CTNNA2: variants seen among roughly 807,000 people sequenced by gnomAD.
CTNNA2 encodes catenin alpha-2.
Under a neutral mutation model 101.0 loss-of-function variants are expected in CTNNA2, and 42 were observed. That is an observed-to-expected ratio of 0.42 (90% CI 0.32 to 0.54). CTNNA2 has a LOEUF of 0.54. Ranked by LOEUF, CTNNA2 falls within the 20% of genes least tolerant of loss-of-function variation. CTNNA2 has a pLI of 0.14. For missense variants in CTNNA2, 871 were observed against 1,223.1 expected (o/e 0.71, Z 4.29); for synonymous variants, 450 against 456.4 (o/e 0.99, Z 0.18).
At chr2:79,627,948 T>C (rs2104335464) in intron 1 of CTNNA2, among the ~76,000 whole-genome samples, 1 of 152,296 alleles carries the variant, frequency 6.6e-6, no homozygotes, top group South Asian at 2.1e-4. Flanking sequence ...CTCATAAGTG[T>C]TGTAATGTGG....
chr2:79,428,193 C>T (rs1016757096), intron 4 of CTNNA2, among the ~76,000 whole-genome samples: 1 of 151,788 alleles, frequency 6.6e-6, no homozygotes, highest in Non-Finnish European at 1.5e-5. Context: ...CAGTTTAGCT[C>T]CCTTTGTGTT....
At chr2:79,564,732 G>A (rs1166562043) in intron 1 of CTNNA2, among the ~76,000 whole-genome samples, 2 of 152,076 alleles carry the variant, frequency 1.3e-5, no homozygotes, top group Non-Finnish European at 2.9e-5. Flanking sequence ...ATTATGTGTG[G>A]CAAAGAGTAG....
At chr2:79,819,723 T>G (rs1471485039) in intron 3 of CTNNA2, among the ~76,000 whole-genome samples, 1 of 152,168 alleles carries the variant, frequency 6.6e-6, no homozygotes, top group Non-Finnish European at 1.5e-5. Context: ...TCTAGTGTTT[T>G]GTAGCACAAT....
rs1511188 is a variant in CTNNA2, at chr2:79,710,056, C to T, written c.103-34331C>T. Reference sequence around the variant, plus strand: ...AGCTTGGTGAGGAAAAATCCCGATACTTGTCCCTCTTGAATTCTGAAACCC... The same window carrying T: ...AGCTTGGTGAGGAAAAATCCCGATATTTGTCCCTCTTGAATTCTGAAACCC... On this transcript the variant is annotated intron_variant, in intron 2 of 18. Coordinates refer to ENST00000402739, the MANE Select transcript of CTNNA2 (RefSeq NM_001282597.3). Among the ~76,000 whole-genome samples, 1,075 of 152,230 alleles carry T rather than the reference C, an allele frequency of 7.1e-3. 11 individuals are homozygous for T. The highest frequency in any genetic ancestry group is 0.024 in the African/African-American group (1,007 of 41,544).
chr2:79,280,790 A>C (rs1250865380), intron 2 of CTNNA2, among the ~76,000 whole-genome samples: 1 of 151,794 alleles, frequency 6.6e-6, no homozygotes, highest in Admixed American at 6.6e-5. Flanking sequence ...GTTGGCTAGA[A>C]CATGCTGTGA....
intron 12 of CTNNA2, among the ~76,000 whole-genome samples, chr2:80,569,120 A>C (rs145451337): frequency 0.011 from 1,689 of 152,208 alleles, 16 homozygotes; most frequent in Non-Finnish European, 0.015. Flanking sequence ...ACAACTTCTC[A>C]TTCATTTAAC....
intron 2 of CTNNA2, among the ~76,000 whole-genome samples, chr2:79,269,565 C>G (rs760057277): frequency 6.6e-6 from 1 of 152,132 alleles, no homozygotes. Context: ...GGTTATTATT[C>G]AAGCAGTCAT....
At chr2:80,591,457 G>GTTTTTTTCTTTTTTTTTTTTTTTTTTTT (rs1696487430) in intron 15 of CTNNA2, among the ~76,000 whole-genome samples, 1 of 70,314 alleles carries the variant, frequency 1.4e-5, no homozygotes, top group Non-Finnish European at 3.0e-5. Context: ...TGCACAGCCT[G>GTTTTTTTCTTTTTTTTTTTTTTTTTTTT]TTTTTTTTTT....
At chr2:80,260,268 T>C (rs1044211230) in intron 7 of CTNNA2, among the ~76,000 whole-genome samples, 8 of 152,168 alleles carry the variant, frequency 5.3e-5, no homozygotes, top group Non-Finnish European at 1.2e-4. Flanking sequence ...CCTGGAAGAT[T>C]GATGTTCTTC....
chr2:79,850,291 C>T (rs1680580648), intron 3 of CTNNA2, among the ~76,000 whole-genome samples: 1 of 114,240 alleles, frequency 8.8e-6, no homozygotes, highest in African/African-American at 3.8e-5. Flanking sequence ...CTCCTTCCTC[C>T]CTCCCTCCCC....
At position 79,721,971 on chromosome 2, in the gene CTNNA2, TAAG is replaced by T. The variant is rs572387338; in HGVS notation, c.103-22413_103-22411del. ...TTGAATTTAAATAAGAACAAAGAAA[TAAG>T]AAAAAAAATGAAGCGTGTTTATAAT... On this transcript the variant is annotated intron_variant, in intron 2 of 18. Coordinates refer to ENST00000402739, the MANE Select transcript of CTNNA2 (RefSeq NM_001282597.3). Among the ~76,000 whole-genome samples, 36 of 152,084 alleles carry T rather than the reference TAAG, an allele frequency of 2.4e-4. No individual in the cohort carries two copies. In the South Asian group the frequency reaches 7.0e-3, roughly 30 times the overall value.
intron 6 of CTNNA2, among the ~76,000 whole-genome samples, chr2:79,906,412 T>C (rs1296049343): frequency 6.6e-6 from 1 of 152,164 alleles, no homozygotes; most frequent in African/African-American, 2.4e-5. Context: ...TTGTGCCTTT[T>C]GTCTCCCGAG....
chr2:79,218,214 C>T (rs548900280), intron 2 of CTNNA2, among the ~76,000 whole-genome samples: 2 of 152,290 alleles, frequency 1.3e-5, no homozygotes, highest in African/African-American at 4.8e-5. Context: ...GCTTCCATCA[C>T]CCTGCCCAAA....
intron 6 of CTNNA2, among the ~76,000 whole-genome samples, chr2:79,908,642 A>T (rs948676291): frequency 6.6e-6 from 1 of 152,064 alleles, no homozygotes; most frequent in Admixed American, 6.6e-5. Flanking sequence ...GAGTTTTCCA[A>T]GTTCTGTTTC....
chr2:79,591,587 C>T (rs1676850357), intron 1 of CTNNA2, among the ~76,000 whole-genome samples: 1 of 152,170 alleles, frequency 6.6e-6, no homozygotes, highest in Non-Finnish European at 1.5e-5. Context: ...CCCTTCACAA[C>T]CAAATCATAC....
chr2:80,515,319 G>A (rs992869187), intron 9 of CTNNA2, among the ~76,000 whole-genome samples: 1 of 151,604 alleles, frequency 6.6e-6, no homozygotes, highest in African/African-American at 2.4e-5. Flanking sequence ...TGTGTCTCAG[G>A]GCTTCCCATA....
At chr2:79,545,361 G>T (rs1297029628) in intron 1 of CTNNA2, among the ~76,000 whole-genome samples, 1 of 152,174 alleles carries the variant, frequency 6.6e-6, no homozygotes, top group African/African-American at 2.4e-5. Context: ...GTTACAAAAT[G>T]GAAGCTGTAC....
chr2:80,377,542 C>T (rs1264278083), intron 7 of CTNNA2, among the ~76,000 whole-genome samples: 2 of 152,108 alleles, frequency 1.3e-5, no homozygotes, highest in Admixed American at 6.5e-5. Context: ...GTGTCTACTT[C>T]GAAAGCTCTT....
chr2:80,232,619 G>T (rs933440014), intron 7 of CTNNA2, among the ~76,000 whole-genome samples: 5 of 151,948 alleles, frequency 3.3e-5, no homozygotes, highest in African/African-American at 1.2e-4. Flanking sequence ...GGCCATTTTT[G>T]TGCCATGTGC....
Sources: gnomAD v4.1 joint callset for allele counts (sites outside exome capture counted in the v4.1 genomes callset) on GRCh38, gnomAD v4.1.1 for gene constraint, MANE v1.5 for transcripts, NCBI Gene and HGNC (gene_info 2026-07-23, HGNC 2026-07-21) for gene names.